PCDHA6: variants seen among roughly 807,000 people sequenced by gnomAD.
PCDHA6 encodes protocadherin alpha 6, also known as protocadherin alpha-6.
PCDHA6 carries 55 observed loss-of-function variants against 60.3 expected under a neutral mutation model. The ratio of observed to expected loss-of-function variants is 0.91; its 90% CI spans 0.73 to 1.14. The LOEUF is 1.14. Ranked by LOEUF, PCDHA6 falls within the 50% of genes most tolerant of loss-of-function variation. PCDHA6 has a pLI of 0.00. For missense variants in PCDHA6, 1,327 were observed against 1,256.5 expected (o/e 1.06, Z -0.85); for synonymous variants, 652 against 557.9 (o/e 1.17, Z -2.38).
intron 1 of PCDHA6, among the ~76,000 whole-genome samples, chr5:140,832,809 G>A (rs1166207939): frequency 6.6e-6 from 1 of 152,088 alleles, no homozygotes; most frequent in African/African-American, 2.4e-5. Flanking sequence ...ATTGGAATTG[G>A]AAAAAAATCT....
At chr5:140,839,728 G>T (rs1776382427) in intron 1 of PCDHA6, among the ~76,000 whole-genome samples, 1 of 151,992 alleles carries the variant, frequency 6.6e-6, no homozygotes, top group Non-Finnish European at 1.5e-5. Flanking sequence ...TCATTTCACA[G>T]AAAATACCCT....
intron 1 of PCDHA6, among the ~76,000 whole-genome samples, chr5:140,914,261 T>G (rs1294037425): frequency 6.6e-6 from 1 of 152,202 alleles, no homozygotes; most frequent in Non-Finnish European, 1.5e-5. Context: ...GCTTCAATGG[T>G]GGGTGCATAT....
chr5:140,828,424 C>T lies in PCDHA6; in HGVS notation c.333C>T (p.Asp111=), dbSNP rs138737999. 2.5e-6 allele frequency: 4 copies of T among 1,614,132 alleles called. No individual in the cohort carries two copies. Among genetic ancestry groups the T allele is most frequent in the Non-Finnish European group, 3.4e-6 (4 of 1,180,058 alleles). ...ECSIHLEVIV[D]RPLQVFHVDV... ...GCATCCACCTGGAGGTGATCGTGGA[C>T]AGGCCGCTGCAGGTTTTCCATGTGG... The change falls in exon 1 of 4, where the codon GAC becomes GAT. Residue 111 remains aspartate, a synonymous_variant. Coordinates refer to ENST00000529310, the MANE Select transcript of PCDHA6 (RefSeq NM_018909.4).
At position 141,011,317 on chromosome 5, in the gene PCDHA6, T is replaced by C. The variant is rs1554263417; in HGVS notation, c.*1380T>C. On this transcript the variant is annotated 3_prime_UTR_variant, in exon 4 of 4. Transcript: ENST00000529310. ...TAACACTCTGAATTGCTAATCTTAC[T>C]AACACCTATGATGTTACCTGAAATC... 1 of 153,818 alleles carries C rather than the reference T, an allele frequency of 6.5e-6. No homozygotes were observed. The highest frequency in any genetic ancestry group is 2.4e-5 in the African/African-American group (1 of 41,470). 9.5% of individuals were successfully genotyped at this position (153,818 alleles called of 1,614,324 possible).
intron 1 of PCDHA6, among the ~76,000 whole-genome samples, chr5:140,832,446 A>G (rs2150201698): frequency 1.3e-5 from 2 of 152,202 alleles, no homozygotes; most frequent in Non-Finnish European, 2.9e-5. Flanking sequence ...TAAGCGTGTA[A>G]TTAATATTGC....
At chr5:141,002,807 C>T (rs1297773193) in intron 3 of PCDHA6, among the ~76,000 whole-genome samples, 1 of 152,152 alleles carries the variant, frequency 6.6e-6, no homozygotes, top group Non-Finnish European at 1.5e-5. Flanking sequence ...GAAACTGAGG[C>T]TCAGAGATAT....
chr5:140,856,835 C>T, intron 1 of PCDHA6: 2 of 1,591,090 alleles, frequency 1.3e-6, no homozygotes, highest in Non-Finnish European at 1.7e-6. Flanking sequence ...AGTAATACGG[C>T]TCAACGCTTC....
At chr5:140,884,698 A>G (rs782573200) in intron 1 of PCDHA6, 13 of 1,502,610 alleles carry the variant, frequency 8.7e-6, no homozygotes, top group African/African-American at 1.4e-5. Context: ...CTTAGTAAAC[A>G]CTTTAGCCTT....
At position 140,967,833 on chromosome 5, in the gene PCDHA6, T is replaced by G. The variant is rs1554229998; in HGVS notation, c.2395-11116T>G. The G allele has an allele frequency of 1.2e-6, 2 of 1,614,014 alleles. No homozygotes were observed. The highest frequency in any genetic ancestry group is 4.5e-5 in the East Asian group (2 of 44,876). On this transcript the variant is annotated intron_variant, in intron 1 of 3. Transcript: ENST00000529310. The stretch of plus-strand genomic sequence containing the variant: ...CACTGCAAGGTGCTGGTGGACATCG[T>G]GGACGTGAATGACAATGCCCCAGAG...
At chr5:140,883,476 A>G (rs782692069) in intron 1 of PCDHA6, 7 of 1,614,082 alleles carry the variant, frequency 4.3e-6, no homozygotes, top group Admixed American at 3.3e-5. Flanking sequence ...ACCTACAAGA[A>G]CTACTACTCA....
chr5:140,901,829 T>C (rs1449316816), intron 1 of PCDHA6, among the ~76,000 whole-genome samples: 1 of 152,230 alleles, frequency 6.6e-6, no homozygotes, highest in African/African-American at 2.4e-5. Flanking sequence ...TTCCAGTCCA[T>C]AAACATGCAA....
chr5:140,928,785 G>A, intron 1 of PCDHA6: 1 of 1,614,144 alleles, frequency 6.2e-7, no homozygotes, highest in Middle Eastern at 1.6e-4. Context: ...ATGCAGTTAA[G>A]CAGAGGGTGG....
chr5:140,966,707 A>C, intron 1 of PCDHA6: 1 of 1,379,868 alleles, frequency 7.2e-7, no homozygotes, highest in Non-Finnish European at 9.3e-7. Context: ...GGCGTGGGGC[A>C]CGGCTGGGGA....
intron 1 of PCDHA6, chr5:140,929,002 T>C (rs1584608620): frequency 6.2e-7 from 1 of 1,614,048 alleles, no homozygotes; most frequent in Non-Finnish European, 8.5e-7. Flanking sequence ...TTTCTTCGTG[T>C]GTACCAAGTT....
Position 140,830,354 on chromosome 5 carries a change from C to T in PCDHA6, c.2263C>T (p.Arg755Trp), listed in dbSNP as rs2150185231. 6.8e-6 allele frequency: 11 copies of T among 1,613,990 alleles called. No homozygotes were observed. Among genetic ancestry groups the T allele is most frequent in the African/African-American group, 4.0e-5 (3 of 74,916 alleles). ...GAGCTGGTCGTACTCGCAGCAGAGG[C>T]GGCAGAGGGTGTGCTCCGGGGAGGG... Reference protein sequence around the residue: ...VGSWSYSQQRRQRVCSGEGPP... With the variant: ...VGSWSYSQQRWQRVCSGEGPP... Residue 755 changes from arginine (R) to tryptophan (W), a missense_variant, in exon 1 of 4, where the codon CGG becomes TGG. Arg to Trp is a moderately radical substitution (Grantham distance 101). Transcript: ENST00000529310.
chr5:140,850,095 C>T lies in PCDHA6; in HGVS notation c.2394+19610C>T, dbSNP rs139719626. 631 of 1,596,304 alleles carry T rather than the reference C, an allele frequency of 4.0e-4. 37 individuals are homozygous for T. In the African/African-American group the frequency reaches 7.2e-3, roughly 18 times the overall value. On this transcript the variant is annotated intron_variant, in intron 1 of 3. Transcript: ENST00000529310. ...CGAGGAGCTGGAGCTGCTACAGTTC[C>T]AGGTGAGCGCGCGCGACGCGGGCGT...
At chr5:140,851,455 C>T in intron 1 of PCDHA6, 1 of 898,662 alleles carries the variant, frequency 1.1e-6, no homozygotes, top group Non-Finnish European at 1.4e-6. Context: ...CTTTAGGAAT[C>T]AAATTATGTC....
At chr5:140,841,381 C>T (rs2150314479) in intron 1 of PCDHA6, 1 of 1,613,486 alleles carries the variant, frequency 6.2e-7, no homozygotes, top group Non-Finnish European at 8.5e-7. Flanking sequence ...TGCTTCTGCT[C>T]CTCGCAGCCT....
At chr5:140,859,508 T>A (rs1298997050) in intron 1 of PCDHA6, 1 of 197,594 alleles carries the variant, frequency 5.1e-6, no homozygotes, top group Non-Finnish European at 1.0e-5. Flanking sequence ...CTGATACCCA[T>A]GATTTCATTT....
Sources: gnomAD v4.1 joint callset for allele counts (sites outside exome capture counted in the v4.1 genomes callset) on GRCh38, gnomAD v4.1.1 for gene constraint, MANE v1.5 for transcripts, NCBI Gene and HGNC (gene_info 2026-07-23, HGNC 2026-07-21) for gene names.